Variants in ADAM23 observed in about 807,000 individuals in gnomAD.
The protein encoded by ADAM23 is disintegrin and metalloproteinase domain-containing protein 23.
A neutral mutation model predicts 120.1 loss-of-function variants in ADAM23; 33 were observed. The ratio of observed to expected loss-of-function variants is 0.27; its 90% CI spans 0.21 to 0.37. The LOEUF is 0.37. Ranked by LOEUF, ADAM23 falls within the 10% of genes least tolerant of loss-of-function variation. The pLI, the probability that ADAM23 is intolerant of heterozygous loss-of-function variation, is 1.00. For synonymous variants in ADAM23, 367 were observed against 375.2 expected (o/e 0.98, Z 0.25); for missense variants, 862 against 1,058.2 (o/e 0.81, Z 2.57).
chr2:206,464,572 C>CA (rs201816820), intron 2 of ADAM23, among the ~76,000 whole-genome samples: 1,710 of 140,390 alleles, frequency 0.012, 24 homozygotes, highest in African/African-American at 0.035. Flanking sequence ...GAGACTGTCT[C>CA]AAAAAAAAAA....
intron 4 of ADAM23, among the ~76,000 whole-genome samples, chr2:206,537,614 A>G (rs1017291892): frequency 6.6e-6 from 1 of 151,980 alleles, no homozygotes; most frequent in Non-Finnish European, 1.5e-5. Flanking sequence ...AAGTTTTCAG[A>G]CTATTTTTTA....
chr2:206,481,367 A>G (rs1213705764), intron 3 of ADAM23, 59 bp downstream of exon 3: 3 of 1,297,530 alleles, frequency 2.3e-6, no homozygotes, highest in Non-Finnish European at 3.2e-6. Context: ...TGTTTTTATA[A>G]TATCGGTTTA....
intron 3 of ADAM23, 124 bp from the exon 4 acceptor site, chr2:206,530,761 T>C: frequency 1.7e-6 from 1 of 595,840 alleles, no homozygotes. Context: ...TTTGTTTCTG[T>C]ACTAACCATG....
Position 206,564,777 on chromosome 2 carries a change from G to A in ADAM23, c.1346-243G>A, listed in dbSNP as rs112329872. On this transcript the variant is annotated intron_variant, in intron 13 of 25. Coordinates refer to ENST00000264377, the MANE Select transcript of ADAM23 (RefSeq NM_003812.4). ...GAGTTGTCAGAGTTACAAAAATAATGAAGAGAGGCACAATATTACTTCTTG... is the reference window on the plus strand; with the variant it reads ...GAGTTGTCAGAGTTACAAAAATAATAAAGAGAGGCACAATATTACTTCTTG... 3.1e-3 allele frequency among the ~76,000 whole-genome samples: 478 copies of A among 152,280 alleles called. 6 individuals carry two copies. The highest frequency in any genetic ancestry group is 0.011 in the African/African-American group (452 of 41,546).
intron 18 of ADAM23, among the ~76,000 whole-genome samples, chr2:206,584,717 C>T (rs927038453): frequency 6.6e-6 from 1 of 152,198 alleles, no homozygotes; most frequent in Non-Finnish European, 1.5e-5. Context: ...GTGAAGTCTG[C>T]ACACCCGATT....
intron 4 of ADAM23, among the ~76,000 whole-genome samples, chr2:206,532,800 A>G (rs1278141790): frequency 6.6e-6 from 1 of 152,116 alleles, no homozygotes; most frequent in African/African-American, 2.4e-5. Context: ...TGCCATGGTG[A>G]TAGACATTTT....
At chr2:206,464,468 G>T (rs1695497516) in intron 2 of ADAM23, among the ~76,000 whole-genome samples, 3 of 152,054 alleles carry the variant, frequency 2.0e-5, no homozygotes, top group Admixed American at 1.3e-4. Flanking sequence ...TCAGCTACTT[G>T]GGAGGCTGAG....
chr2:206,543,912 T>C lies in ADAM23; in HGVS notation c.720+596T>C, dbSNP rs375546916. 7.2e-5 allele frequency among the ~76,000 whole-genome samples: 11 copies of C among 152,296 alleles called. No homozygotes were observed. The East Asian group carries it at 1.9e-3, about 27-fold the overall frequency. Reference sequence around the variant, plus strand: ...ACCAAACATTGTGTGTTCTCATTCATATGTGGAAGCTAAGCCATGAGGACA... The same window carrying C: ...ACCAAACATTGTGTGTTCTCATTCACATGTGGAAGCTAAGCCATGAGGACA... On this transcript the variant is annotated intron_variant, in intron 6 of 25. Coordinates refer to ENST00000264377, the MANE Select transcript of ADAM23 (RefSeq NM_003812.4).
chr2:206,493,447 A>G (rs1238884427), intron 3 of ADAM23, among the ~76,000 whole-genome samples: 4 of 152,298 alleles, frequency 2.6e-5, no homozygotes, highest in South Asian at 4.1e-4. Flanking sequence ...ATCTCGGCTC[A>G]CTGCAACCTC....
At chr2:206,483,329 T>C (rs140003493) in intron 3 of ADAM23, among the ~76,000 whole-genome samples, 1 of 152,162 alleles carries the variant, frequency 6.6e-6, no homozygotes, top group East Asian at 1.9e-4. Flanking sequence ...GAAGAGAATG[T>C]GGCATCAGAA....
At chr2:206,503,586 T>G (rs1258196705) in intron 3 of ADAM23, among the ~76,000 whole-genome samples, 1 of 152,126 alleles carries the variant, frequency 6.6e-6, no homozygotes, top group African/African-American at 2.4e-5. Context: ...TTTATGAAAC[T>G]GAAAACTGAG....
At chr2:206,550,284 C>A in intron 9 of ADAM23, 124 bp downstream of exon 9, 1 of 479,486 alleles carries the variant, frequency 2.1e-6, no homozygotes, top group Non-Finnish European at 3.5e-6. Flanking sequence ...TATTAAGTGA[C>A]TTGATTTATT....
intron 4 of ADAM23, among the ~76,000 whole-genome samples, chr2:206,532,470 A>G (rs1233000251): frequency 2.0e-5 from 3 of 152,200 alleles, no homozygotes; most frequent in Admixed American, 6.5e-5. Flanking sequence ...CAACTCTAGC[A>G]AAAGAAATTG....
At chr2:206,566,769 T>C (rs1314468776) in intron 14 of ADAM23, among the ~76,000 whole-genome samples, 1 of 152,148 alleles carries the variant, frequency 6.6e-6, no homozygotes, top group Non-Finnish European at 1.5e-5. Context: ...TGATATAGTC[T>C]TTAATATACT....
intron 3 of ADAM23, among the ~76,000 whole-genome samples, chr2:206,493,271 C>A (rs1263754439): frequency 6.6e-6 from 1 of 152,216 alleles, no homozygotes; most frequent in East Asian, 1.9e-4. Flanking sequence ...AAAGTACTCT[C>A]TTTAACAAGT....
At chr2:206,603,087 C>T (rs1032304796) in intron 24 of ADAM23, among the ~76,000 whole-genome samples, 5 of 151,836 alleles carry the variant, frequency 3.3e-5, no homozygotes, top group African/African-American at 9.7e-5. Flanking sequence ...GATATATCAT[C>T]GTGTGTCCAG....
chr2:206,595,134 T>C (rs769568626), intron 23 of ADAM23, among the ~76,000 whole-genome samples: 15 of 152,116 alleles, frequency 9.9e-5, no homozygotes, highest in African/African-American at 3.1e-4. Flanking sequence ...TGAGCCGAGA[T>C]TGAGCCACTG....
chr2:206,570,624 C>A, intron 15 of ADAM23, 116 bp from the exon 16 acceptor site: 2 of 744,770 alleles, frequency 2.7e-6, no homozygotes, highest in Admixed American at 2.2e-5. Context: ...AACAACAGAT[C>A]AAAGAAGAAT....
At chr2:206,450,248 T>C (rs1695165472) in intron 2 of ADAM23, among the ~76,000 whole-genome samples, 1 of 152,208 alleles carries the variant, frequency 6.6e-6, no homozygotes, top group Admixed American at 6.5e-5. Context: ...CTGTGGAACA[T>C]GGGGAAAAGA....
Sources: allele counts gnomAD v4.1 joint callset (sites outside exome capture counted in the v4.1 genomes callset), GRCh38; gene constraint gnomAD v4.1.1; transcripts MANE v1.5; gene names NCBI Gene and HGNC (gene_info 2026-07-23, HGNC 2026-07-21).